Variants in MEGF6 observed in about 807,000 individuals in gnomAD.
MEGF6 encodes multiple EGF like domains 6.
Under a neutral mutation model 207.1 loss-of-function variants are expected in MEGF6, and 184 were observed. That is an observed-to-expected ratio of 0.89 (90% CI 0.79 to 1.00). MEGF6 has a LOEUF of 1.00. MEGF6 is among the 50% of genes least tolerant of loss of function. The pLI, the probability that MEGF6 is intolerant of heterozygous loss-of-function variation, is 0.00. For missense variants in MEGF6, 2,282 were observed against 2,202.9 expected (o/e 1.04, Z -0.72); for synonymous variants, 1,038 against 910.0 (o/e 1.14, Z -2.53).
Position 3,565,108 on chromosome 1 carries a change from G to A in MEGF6, c.481+14717C>T, listed in dbSNP as rs1643308810. Reference sequence around the variant, plus strand: ...TTCCAAGCACAGGGCCTGGCACGCAGTGGGGTCCGGCGATGGACGCATGAA... The same window carrying A: ...TTCCAAGCACAGGGCCTGGCACGCAATGGGGTCCGGCGATGGACGCATGAA... On this transcript the variant is annotated intron_variant, in intron 4 of 36. Transcript: ENST00000356575. The surrounding 1 kb of genome is among the most constrained non-coding windows in gnomAD (Gnocchi z 4.8). 6.6e-6 allele frequency among the ~76,000 whole-genome samples: 1 copy of A among 152,080 alleles called. No homozygotes were observed. Among genetic ancestry groups the A allele is most frequent in the South Asian group, 2.1e-4 (1 of 4,820 alleles).
chr1:3,521,695 C>A (rs2101161190), intron 5 of MEGF6, among the ~76,000 whole-genome samples: 1 of 152,278 alleles, frequency 6.6e-6, no homozygotes, highest in East Asian at 1.9e-4. Context: ...GGCTGACAAA[C>A]CCATGCCTAT....
intron 4 of MEGF6, among the ~76,000 whole-genome samples, chr1:3,532,851 G>A (rs997341110): frequency 6.6e-6 from 1 of 152,236 alleles, no homozygotes; most frequent in Non-Finnish European, 1.5e-5. Flanking sequence ...CCAGGCCCTG[G>A]GTTCTGGGGA....
chr1:3,488,277 G>C lies in MEGF6; in HGVS notation c.*2251C>G, dbSNP rs777198602. ...CCGTTGGATAGCTGAGATTTCCTCC[G>C]GATGGGCAGAAGCTCGGCCTGCCTT... On this transcript the variant is annotated 3_prime_UTR_variant, in exon 37 of 37. Coordinates refer to ENST00000356575, the MANE Select transcript of MEGF6 (RefSeq NM_001409.4). Among the ~76,000 whole-genome samples the C allele has an allele frequency of 6.6e-6, 1 of 152,162 alleles. No individual in the cohort carries two copies. Among genetic ancestry groups the C allele is most frequent in the Non-Finnish European group, 1.5e-5 (1 of 68,028 alleles).
chr1:3,578,461 C>T lies in MEGF6; in HGVS notation c.481+1364G>A, dbSNP rs145375569. Among the ~76,000 whole-genome samples the T allele has an allele frequency of 3.0e-3, 461 of 152,206 alleles. 3 individuals are homozygous for T. The highest frequency in any genetic ancestry group is 4.9e-3 in the Admixed American group (75 of 15,302). ...AGGGATGGGTCACCTCTGACCAGCC[C>T]GCAGAGGGACCACAGGGAGGCCTGG... is the stretch of plus-strand genomic sequence containing the variant. On this transcript the variant is annotated intron_variant, in intron 4 of 36. Coordinates refer to ENST00000356575, the MANE Select transcript of MEGF6 (RefSeq NM_001409.4).
At position 3,585,277 on chromosome 1, in the gene MEGF6, C is replaced by T. The variant is rs566609853; in HGVS notation, c.377-5348G>A. 7.5e-4 allele frequency among the ~76,000 whole-genome samples: 101 copies of T among 134,936 alleles called. 1 individual carries two copies. The Middle Eastern group carries it at 0.035, about 47-fold the overall frequency. The allele number at this position is 134,936 out of a possible 152,430, so 88.5% of individuals were successfully genotyped here. On this transcript the variant is annotated intron_variant, in intron 3 of 36. Coordinates refer to ENST00000356575, the MANE Select transcript of MEGF6 (RefSeq NM_001409.4). The stretch of plus-strand genomic sequence containing the variant: ...TATGTCCTGTGTGTGGGTGTGTGGA[C>T]GCATGTCCTGTGTGTGGGTGTGCGG...
intron 1 of MEGF6, among the ~76,000 whole-genome samples, chr1:3,605,109 C>A (rs1331385291): frequency 6.6e-6 from 1 of 151,102 alleles, no homozygotes; most frequent in Non-Finnish European, 1.5e-5. Context: ...CAATCACACA[C>A]ATTCACAACC....
chr1:3,514,874 C>T (rs573019349), intron 6 of MEGF6, among the ~76,000 whole-genome samples: 38 of 152,312 alleles, frequency 2.5e-4, no homozygotes, highest in South Asian at 1.4e-3. Flanking sequence ...AGTCTCAGGA[C>T]GCGGCCAGCC....
chr1:3,558,245 C>A (rs1466704332), intron 4 of MEGF6, among the ~76,000 whole-genome samples: 1 of 152,208 alleles, frequency 6.6e-6, no homozygotes, highest in African/African-American at 2.4e-5. Flanking sequence ...ACCGTCCCTG[C>A]CTCTCTCGTC....
At chr1:3,620,431 C>G in the MEGF6 span, among the ~76,000 whole-genome samples, 1 of 152,206 alleles carries the variant, frequency 6.6e-6, no homozygotes, top group African/African-American at 2.4e-5. Flanking sequence ...CAAAAGGGGT[C>G]AAGGGACAGC....
In MEGF6 at chr1:3,498,798, G is replaced by A. The variant is rs1259558652; in HGVS notation, c.3123C>T (p.Asn1041=). The change falls in exon 25 of 37, where the codon AAC becomes AAT. Residue 1041 remains asparagine, a synonymous_variant. Coordinates refer to ENST00000356575, the MANE Select transcript of MEGF6 (RefSeq NM_001409.4). ...TCTGGCAGAGGCAGGAATGCCGACAGTTGTCGCCGTACAGGCCGGCAGGGC... is the reference window on the plus strand; with the variant it reads ...TCTGGCAGAGGCAGGAATGCCGACAATTGTCGCCGTACAGGCCGGCAGGGC... The part of the protein sequence containing the change: ...QACPAGLYGD[N]CRHSCLCQNG... 4.5e-6 allele frequency: 7 copies of A among 1,555,316 alleles called. No homozygotes were observed. Among genetic ancestry groups the A allele is most frequent in the Non-Finnish European group, 5.2e-6 (6 of 1,149,960 alleles).
At chr1:3,507,749 A>T (rs116495479) in intron 14 of MEGF6, 46 bp downstream of exon 14, 1 of 1,612,154 alleles carries the variant, frequency 6.2e-7, no homozygotes, top group Non-Finnish European at 8.5e-7. Flanking sequence ...CACTTCCCTT[A>T]CAGCCCAGGG....
intron 4 of MEGF6, among the ~76,000 whole-genome samples, chr1:3,561,171 T>C (rs1157191143): frequency 6.6e-6 from 1 of 151,992 alleles, no homozygotes; most frequent in Non-Finnish European, 1.5e-5. Flanking sequence ...CTGAGGCTGA[T>C]GGAAGGGGGA....
intron 1 of MEGF6, among the ~76,000 whole-genome samples, chr1:3,607,183 C>T (rs1644261668): frequency 6.6e-6 from 1 of 152,008 alleles, no homozygotes; most frequent in Non-Finnish European, 1.5e-5. Flanking sequence ...CTGCCACTAA[C>T]CAGCAAGACG....
At chr1:3,586,518 G>A (rs76224458) in intron 3 of MEGF6, among the ~76,000 whole-genome samples, 3 of 152,108 alleles carry the variant, frequency 2.0e-5, no homozygotes, top group Non-Finnish European at 2.9e-5. Flanking sequence ...GAGGAGAGAC[G>A]TGGGGTGTAG....
chr1:3,507,035 T>C (rs1310788102), intron 14 of MEGF6, among the ~76,000 whole-genome samples: 2 of 152,118 alleles, frequency 1.3e-5, no homozygotes, highest in African/African-American at 4.8e-5. Context: ...CCCTGTAGAA[T>C]AGAAAGGGCA....
intron 4 of MEGF6, among the ~76,000 whole-genome samples, chr1:3,552,729 C>G (rs1642924657): frequency 6.6e-6 from 1 of 152,154 alleles, no homozygotes; most frequent in Admixed American, 6.5e-5. Flanking sequence ...GGGAGGCTCC[C>G]TTGGAAATGA....
At chr1:3,531,579 G>C (rs1197114567) in intron 4 of MEGF6, 56 of 843,324 alleles carry the variant, frequency 6.6e-5, no homozygotes, top group Non-Finnish European at 7.9e-5. Flanking sequence ...GCGCATTCCA[G>C]CGTGCGCGCT....
intron 36 of MEGF6, 109 bp from the exon 37 acceptor site, chr1:3,490,698 A>AGCTCT: frequency 8.2e-7 from 1 of 1,221,988 alleles, no homozygotes; most frequent in Non-Finnish European, 1.2e-6. Context: ...TCAGCAGCTC[A>AGCTCT]GCCCAGCAGG....
At position 3,506,282 on chromosome 1, in the gene MEGF6, A is replaced by AC. The variant is rs749260631; in HGVS notation, c.1790-47dup. On this transcript the variant is annotated intron_variant, in intron 14 of 36. Transcript: ENST00000356575. ...TGTGAACCTTGGTGGCAGCCAGCCT[A>AC]CCACATGTGGTCCCCCCATGTGGTA... is the stretch of plus-strand genomic sequence containing the variant. The AC allele has an allele frequency of 5.2e-4, 834 of 1,593,402 alleles. 3 individuals carry two copies. Among genetic ancestry groups the AC allele is most frequent in the Non-Finnish European group, 6.5e-4 (766 of 1,169,996 alleles).
Sources: allele counts gnomAD v4.1 joint callset (sites outside exome capture counted in the v4.1 genomes callset), GRCh38; gene constraint gnomAD v4.1.1; non-coding constraint Gnocchi (gnomAD v3.1); transcripts MANE v1.5; gene names NCBI Gene and HGNC (gene_info 2026-07-23, HGNC 2026-07-21).